The following CARMIL1 variants were observed in gnomAD, a reference collection of about 807,000 sequenced individuals.
CARMIL1 encodes the protein capping protein regulator and myosin 1 linker 1.
A neutral mutation model predicts 177.1 loss-of-function variants in CARMIL1; 90 were observed. The ratio of observed to expected loss-of-function variants is 0.51; its 90% CI spans 0.43 to 0.61. The LOEUF (loss-of-function observed/expected upper bound fraction) is 0.61. Among genes scored for constraint, CARMIL1 ranks in the 20% least tolerant of loss-of-function variants. The probability of loss-of-function intolerance (pLI) is 0.00; values close to 1 mark genes in which losing one functional copy is unlikely to be tolerated. For synonymous variants in CARMIL1, 577 were observed against 606.2 expected (o/e 0.95, Z 0.71); for missense variants, 1,380 against 1,667.0 (o/e 0.83, Z 3.00).
chr6:25,550,486 A>C (rs1809973087), intron 26 of CARMIL1, among the ~76,000 whole-genome samples: 1 of 152,188 alleles, frequency 6.6e-6, no homozygotes, highest in Non-Finnish European at 1.5e-5. Context: ...TGATTTGCAG[A>C]ATCTCAGAAG....
At position 25,445,241 on chromosome 6, in the gene CARMIL1, C is replaced by T. The variant is rs146876278; in HGVS notation, c.372-4657C>T. ...AGTTTTTTCGTGGATTACAACAATT[C>T]ATTCACATTTTCAGGCTCCACTTTT... On this transcript the variant is annotated intron_variant, in intron 5 of 36. Coordinates refer to ENST00000329474, the MANE Select transcript of CARMIL1 (RefSeq NM_017640.6). 3.7e-4 allele frequency among the ~76,000 whole-genome samples: 57 copies of T among 152,316 alleles called. No homozygotes were observed. The East Asian group carries it at 0.01, about 28-fold the overall frequency.
intron 31 of CARMIL1, among the ~76,000 whole-genome samples, chr6:25,588,593 C>T (rs2151277855): frequency 6.6e-6 from 1 of 152,308 alleles, no homozygotes; most frequent in Non-Finnish European, 1.5e-5. Flanking sequence ...ACCACGACAC[C>T]CAACAGGGAT....
At chr6:25,288,655 G>C (rs780641225) in intron 2 of CARMIL1, among the ~76,000 whole-genome samples, 2 of 152,128 alleles carry the variant, frequency 1.3e-5, no homozygotes, top group Non-Finnish European at 2.9e-5. Flanking sequence ...CCTGCATTCT[G>C]TTTTCTCCGT....
intron 2 of CARMIL1, among the ~76,000 whole-genome samples, chr6:25,411,677 A>G (rs1046391306): frequency 6.6e-6 from 1 of 152,208 alleles, no homozygotes; most frequent in African/African-American, 2.4e-5. Context: ...CCATTTCTAC[A>G]TAATGTGAAA....
intron 2 of CARMIL1, among the ~76,000 whole-genome samples, chr6:25,285,621 G>A (rs1159062931): frequency 1.3e-5 from 2 of 151,778 alleles, no homozygotes; most frequent in African/African-American, 4.9e-5. Flanking sequence ...TTAAGCTTAG[G>A]TGGAAAGAAT....
Position 25,354,295 on chromosome 6 carries a change from A to T in CARMIL1, c.139-65819A>T, listed in dbSNP as rs573974362. ...CTGCCTCAGCTTCCGAGTAGCTGGG[A>T]CTATAGTTGCGTAGCACCACACTTG... On this transcript the variant is annotated intron_variant, in intron 2 of 36. Transcript: ENST00000329474. Among the ~76,000 whole-genome samples, 12 of 148,496 alleles carry T rather than the reference A, an allele frequency of 8.1e-5. No individual in the cohort carries two copies. The South Asian group carries it at 2.4e-3, about 29-fold the overall frequency.
chr6:25,342,004 T>C (rs143040269), intron 2 of CARMIL1, among the ~76,000 whole-genome samples: 15 of 152,300 alleles, frequency 9.8e-5, no homozygotes, highest in African/African-American at 3.4e-4. Context: ...TATCTTTAAA[T>C]ATTCAGGGCT....
At chr6:25,315,403 C>T (rs1784193848) in intron 2 of CARMIL1, among the ~76,000 whole-genome samples, 1 of 152,230 alleles carries the variant, frequency 6.6e-6, no homozygotes, top group Non-Finnish European at 1.5e-5. Context: ...ATAAACATCG[C>T]CCTTGCAAAC....
intron 23 of CARMIL1, among the ~76,000 whole-genome samples, chr6:25,525,362 C>G (rs1168994117): frequency 1.3e-5 from 2 of 152,124 alleles, no homozygotes; most frequent in South Asian, 2.1e-4. Context: ...CCCCCAGCAG[C>G]CTAGAATTCT....
chr6:25,401,219 A>C (rs1793854448), intron 2 of CARMIL1, among the ~76,000 whole-genome samples: 1 of 152,170 alleles, frequency 6.6e-6, no homozygotes, highest in South Asian at 2.1e-4. Flanking sequence ...TTAATTAATA[A>C]TGTTGCAGGG....
At chr6:25,546,982 G>C in intron 26 of CARMIL1, among the ~76,000 whole-genome samples, 1 of 149,628 alleles carries the variant, frequency 6.7e-6, no homozygotes, top group East Asian at 2.1e-4. Context: ...TTGAACCCGG[G>C]AGATGGAAGT....
intron 17 of CARMIL1, among the ~76,000 whole-genome samples, chr6:25,502,263 A>T (rs953084815): frequency 6.6e-6 from 1 of 151,272 alleles, no homozygotes; most frequent in Admixed American, 6.6e-5. Flanking sequence ...CAAAAAAAAA[A>T]CAAAAAAAAA....
At chr6:25,544,617 ACACAC>A (rs1809255027) in intron 26 of CARMIL1, among the ~76,000 whole-genome samples, 2 of 148,810 alleles carry the variant, frequency 1.3e-5, no homozygotes, top group African/African-American at 5.1e-5. Flanking sequence ...ACACACACAC[ACACAC>A]ACACACACAC....
intron 23 of CARMIL1, among the ~76,000 whole-genome samples, chr6:25,521,475 C>T (rs183442547): frequency 6.6e-6 from 1 of 152,272 alleles, no homozygotes; most frequent in African/African-American, 2.4e-5. Context: ...AGTTACTTAT[C>T]AATAAAGAAT....
intron 24 of CARMIL1, 56 bp downstream of exon 24, chr6:25,528,949 G>A: frequency 7.6e-7 from 1 of 1,322,208 alleles, no homozygotes; most frequent in Admixed American, 2.1e-5. Flanking sequence ...CCCTCTGAGA[G>A]CAAAGGACTT....
intron 2 of CARMIL1, among the ~76,000 whole-genome samples, chr6:25,357,445 G>A (rs979865216): frequency 5.1e-4 from 78 of 151,852 alleles, no homozygotes; most frequent in African/African-American, 1.7e-3. Context: ...TTAGCCGGAT[G>A]TGTTGGTACA....
At chr6:25,555,197 C>CT (rs1213631636) in intron 28 of CARMIL1, among the ~76,000 whole-genome samples, 1 of 151,986 alleles carries the variant, frequency 6.6e-6, no homozygotes, top group African/African-American at 2.4e-5. Context: ...TCTGATTTTT[C>CT]TTTTTTATTG....
At chr6:25,343,648 A>G (rs561523882) in intron 2 of CARMIL1, among the ~76,000 whole-genome samples, 38 of 151,972 alleles carry the variant, frequency 2.5e-4, no homozygotes, top group African/African-American at 8.4e-4. Flanking sequence ...AGCTTTTCCA[A>G]TCCTGCTTCC....
intron 2 of CARMIL1, among the ~76,000 whole-genome samples, chr6:25,384,903 T>C (rs16890508): frequency 0.042 from 6,364 of 152,328 alleles, 159 homozygotes; most frequent in Middle Eastern, 0.11. Flanking sequence ...CCTGTGAATT[T>C]CCTTTTGGAT....
Sources: allele counts gnomAD v4.1 joint callset (sites outside exome capture counted in the v4.1 genomes callset), GRCh38; gene constraint gnomAD v4.1.1; transcripts MANE v1.5; gene names NCBI Gene and HGNC (gene_info 2026-07-23, HGNC 2026-07-21).